AP3S1: variants seen among roughly 807,000 people sequenced by gnomAD.
AP3S1 encodes the protein AP-3 complex subunit sigma-1.
A neutral mutation model predicts 21.3 loss-of-function variants in AP3S1; 12 were observed. The observed-to-expected ratio is 0.56, with a 90% CI of 0.36 to 0.91. The LOEUF (loss-of-function observed/expected upper bound fraction) is 0.91, where lower values mean the gene tolerates loss of function less well. Ranked by LOEUF, AP3S1 falls within the 40% of genes least tolerant of loss-of-function variation. The pLI, the probability that AP3S1 is intolerant of heterozygous loss-of-function variation, is 0.01. For missense variants in AP3S1, 116 were observed against 225.0 expected, an observed-to-expected ratio of 0.52 and a Z score of 3.10; for synonymous variants, 48 against 78.4, an observed-to-expected ratio of 0.61 and a Z score of 2.05.
At chr5:115,907,104 G>A in intron 5 of AP3S1, 1 of 734,802 alleles carries the variant, frequency 1.4e-6, no homozygotes, top group Non-Finnish European at 1.7e-6. Context: ...CATTGTAAAA[G>A]GAAAGTTTAA....
intron 1 of AP3S1, among the ~76,000 whole-genome samples, chr5:115,852,746 T>C (rs1026257386): frequency 9.2e-5 from 14 of 152,172 alleles, no homozygotes; most frequent in African/African-American, 3.4e-4. Flanking sequence ...CTTCTTTTAC[T>C]TTACATGATG....
intron 1 of AP3S1, among the ~76,000 whole-genome samples, chr5:115,858,934 ATTTATTTTTTATTT>A (rs947012724): frequency 6.6e-6 from 1 of 150,810 alleles, no homozygotes; most frequent in Admixed American, 6.6e-5. Context: ...AAAAAAATTT[ATTTATTTTTTATTT>A]TTTATTTTTT....
At chr5:115,906,889 T>C in intron 5 of AP3S1, 9 of 1,477,424 alleles carry the variant, frequency 6.1e-6, no homozygotes, top group Non-Finnish European at 8.0e-6. Context: ...AAATATGTAC[T>C]ATAACAAAGG....
chr5:115,862,476 G>A (rs1763271003), intron 1 of AP3S1, among the ~76,000 whole-genome samples: 1 of 152,128 alleles, frequency 6.6e-6, no homozygotes, highest in African/African-American at 2.4e-5. Context: ...GAGACTGGAC[G>A]TGGTGCTATT....
chr5:115,859,891 T>A (rs1308019260), intron 1 of AP3S1, among the ~76,000 whole-genome samples: 1 of 152,220 alleles, frequency 6.6e-6, no homozygotes, highest in Non-Finnish European at 1.5e-5. Flanking sequence ...CTAATCCCCA[T>A]GTTTTCAGTG....
At chr5:115,909,058 A>G (rs917271912) in intron 5 of AP3S1, 1 of 817,030 alleles carries the variant, frequency 1.2e-6, no homozygotes, top group Non-Finnish European at 1.5e-6. Context: ...GTTTGTTCCA[A>G]CTACCATCTT....
At chr5:115,881,591 C>A (rs896377032) in intron 3 of AP3S1, among the ~76,000 whole-genome samples, 3 of 152,284 alleles carry the variant, frequency 2.0e-5, no homozygotes, top group African/African-American at 7.2e-5. Flanking sequence ...TGATGGGCTT[C>A]CCTTTGTGGG....
chr5:115,898,308 G>A (rs538912425), intron 4 of AP3S1, among the ~76,000 whole-genome samples: 2 of 152,304 alleles, frequency 1.3e-5, no homozygotes, highest in African/African-American at 4.8e-5. Context: ...TGCCCAACCT[G>A]TAAACCACTG....
rs1580657117 is a variant in AP3S1 at position 115,867,050 on chromosome 5, A to T, written c.161+289A>T. ...TAAAATGTAAAATAAGAATCTCTCA[A>T]CCTTAGTCCTTCTACCCAATTTCTT... On this transcript the variant is annotated intron_variant, in intron 2 of 5. Coordinates refer to ENST00000316788, the MANE Select transcript of AP3S1 (RefSeq NM_001284.4). 2.0e-5 allele frequency among the ~76,000 whole-genome samples: 3 copies of T among 152,222 alleles called. 1 individual carries two copies. The South Asian group carries it at 6.2e-4, about 32-fold the overall frequency.
At chr5:115,869,971 A>C (rs749062840) in intron 2 of AP3S1, 46 bp from the exon 3 acceptor site, 1 of 1,221,010 alleles carries the variant, frequency 8.2e-7, no homozygotes, top group Non-Finnish European at 1.2e-6. Flanking sequence ...AATGAAAATG[A>C]TTCGCATTTT....
chr5:115,865,040 A>G (rs1435444082), intron 1 of AP3S1, among the ~76,000 whole-genome samples: 1 of 152,066 alleles, frequency 6.6e-6, no homozygotes, highest in Non-Finnish European at 1.5e-5. Flanking sequence ...AAAACGGCAG[A>G]CAGAAATTAC....
rs367722800 is a variant in AP3S1 at position 115,848,740 on chromosome 5, TC to T, written c.69+6636del. On this transcript the variant is annotated intron_variant, in intron 1 of 5. Transcript: ENST00000316788. ...TACCATCTAGAGGGCCCAGTCCCCT[TC>T]CAACTTCTTGTTGTATAAAACTGTC... is the stretch of plus-strand genomic sequence containing the variant. Among the ~76,000 whole-genome samples the T allele has an allele frequency of 2.5e-3, 381 of 152,348 alleles. 3 individuals carry two copies. Among genetic ancestry groups the T allele is most frequent in the African/African-American group, 8.7e-3 (360 of 41,578 alleles).
chr5:115,894,409 C>T (rs376055195), intron 3 of AP3S1, among the ~76,000 whole-genome samples: 1 of 152,262 alleles, frequency 6.6e-6, no homozygotes, highest in East Asian at 1.9e-4. Flanking sequence ...TACAGCATGG[C>T]CCAAGACCTC....
At position 115,900,838 on chromosome 5, in the gene AP3S1, G is replaced by A. The variant is rs546186043; in HGVS notation, c.346-2047G>A. ...ACACGCACAGCTGTTTCTGGATCTT[G>A]ATATGATATTAAAAATCATTGACCA... On this transcript the variant is annotated intron_variant, in intron 4 of 5. Coordinates refer to ENST00000316788, the MANE Select transcript of AP3S1 (RefSeq NM_001284.4). 2.6e-5 allele frequency among the ~76,000 whole-genome samples: 4 copies of A among 152,288 alleles called. No homozygotes were observed. The South Asian group carries it at 8.3e-4, about 32-fold the overall frequency.
chr5:115,882,392 A>G (rs1174568929), intron 3 of AP3S1, among the ~76,000 whole-genome samples: 1 of 152,034 alleles, frequency 6.6e-6, no homozygotes, highest in Admixed American at 6.5e-5. Flanking sequence ...TTTTGTGTGG[A>G]CATCCTTATT....
chr5:115,844,139 G>T (rs1761882661), intron 1 of AP3S1, among the ~76,000 whole-genome samples: 2 of 152,034 alleles, frequency 1.3e-5, no homozygotes, highest in Admixed American at 1.3e-4. Flanking sequence ...TTATACATTT[G>T]CTTCCTCCAC....
intron 1 of AP3S1, among the ~76,000 whole-genome samples, chr5:115,861,595 T>A (rs1041915379): frequency 2.0e-5 from 3 of 152,088 alleles, no homozygotes; most frequent in Non-Finnish European, 4.4e-5. Flanking sequence ...TGCTCTGTCA[T>A]CCAGACTGGA....
At chr5:115,868,213 T>A (rs1195973201) in intron 2 of AP3S1, among the ~76,000 whole-genome samples, 6 of 152,228 alleles carry the variant, frequency 3.9e-5, no homozygotes, top group Non-Finnish European at 7.3e-5. Flanking sequence ...TGCTTGCTTT[T>A]AATAGCATTA....
intron 2 of AP3S1, among the ~76,000 whole-genome samples, chr5:115,867,844 T>C (rs1040624237): frequency 1.3e-5 from 2 of 152,216 alleles, no homozygotes; most frequent in Non-Finnish European, 2.9e-5. Context: ...ATGTAAGAAC[T>C]TGATTAATCT....
Sources: allele counts gnomAD v4.1 joint callset (sites outside exome capture counted in the v4.1 genomes callset), GRCh38; gene constraint gnomAD v4.1.1; transcripts MANE v1.5; gene names NCBI Gene and HGNC (gene_info 2026-07-23, HGNC 2026-07-21).